Variants in NECAP1 observed in about 807,000 individuals in gnomAD.
The protein encoded by NECAP1 is NECAP endocytosis associated 1.
In NECAP1, 13 loss-of-function variants were observed where a neutral mutation model predicts 33.4. That is an observed-to-expected ratio of 0.39 (90% CI 0.25 to 0.62). The LOEUF is 0.62. Ranked by LOEUF, NECAP1 falls within the 20% of genes least tolerant of loss-of-function variation. The pLI, the probability that NECAP1 is intolerant of heterozygous loss-of-function variation, is 0.52. For synonymous variants in NECAP1, 109 were observed against 125.2 expected (o/e 0.87, Z 0.86); for missense variants, 272 against 347.4 (o/e 0.78, Z 1.73).
chr12:8,092,834 T>C (rs894092894), intron 5 of NECAP1, 38 bp from the exon 6 acceptor site: 2 of 1,587,090 alleles, frequency 1.3e-6, no homozygotes, highest in African/African-American at 1.4e-5. Flanking sequence ...CATAAGCCTA[T>C]GACATCTTTC....
intron 1 of NECAP1, among the ~76,000 whole-genome samples, chr12:8,085,296 G>A (rs769079638): frequency 4.0e-5 from 6 of 151,640 alleles, no homozygotes; most frequent in Non-Finnish European, 5.9e-5. Flanking sequence ...GGGATTACAG[G>A]CGTGAGCCAC....
At chr12:8,084,882 A>G (rs980644074) in intron 1 of NECAP1, among the ~76,000 whole-genome samples, 4 of 152,242 alleles carry the variant, frequency 2.6e-5, no homozygotes, top group African/African-American at 7.2e-5. Flanking sequence ...TCAGTAGATT[A>G]CACAGAGAAA....
chr12:8,091,923 A>G, intron 4 of NECAP1, 73 bp downstream of exon 4: 1 of 1,252,400 alleles, frequency 8.0e-7, no homozygotes, highest in East Asian at 2.4e-5. Context: ...AATGGGCAGT[A>G]TCTCTTTTCC....
At chr12:8,093,975 T>C (rs1390457072) in intron 6 of NECAP1, among the ~76,000 whole-genome samples, 1 of 152,188 alleles carries the variant, frequency 6.6e-6, no homozygotes, top group Non-Finnish European at 1.5e-5. Flanking sequence ...AGAATAAATA[T>C]GGTTATATCT....
chr12:8,090,599 A>C, intron 3 of NECAP1: 1 of 270,656 alleles, frequency 3.7e-6, no homozygotes, highest in Non-Finnish European at 7.3e-6. Flanking sequence ...ACCTGAGGTC[A>C]GGAGTTTGAG....
At chr12:8,087,522 A>ATT (rs34100112) in intron 1 of NECAP1, among the ~76,000 whole-genome samples, 33 of 137,324 alleles carry the variant, frequency 2.4e-4, no homozygotes, top group South Asian at 4.7e-4. Flanking sequence ...CTTGTTCCTA[A>ATT]TTTTTTTTTT....
At chr12:8,093,130 G>T in intron 6 of NECAP1, 75 bp downstream of exon 6, 1 of 1,461,554 alleles carries the variant, frequency 6.8e-7, no homozygotes, top group Non-Finnish European at 9.5e-7. Context: ...GTCAAGGAGA[G>T]TTAATGTTTT....
intron 6 of NECAP1, chr12:8,093,291 T>C: frequency 2.0e-6 from 1 of 505,818 alleles, no homozygotes; most frequent in Non-Finnish European, 3.4e-6. Flanking sequence ...CCTTCATTTT[T>C]TTCTTGGTTA....
chr12:8,082,786 AC>A (rs1786802077), intron 1 of NECAP1: 1 of 89,734 alleles, frequency 1.1e-5, no homozygotes, highest in Non-Finnish European at 2.7e-5. Context: ...ACACACACAC[AC>A]ACACACACAC....
chr12:8,092,771 A>G lies in NECAP1; in HGVS notation c.479A>G (p.Lys160Arg), dbSNP rs1026484267. 1.2e-6 allele frequency: 2 copies of G among 1,613,474 alleles called. No homozygotes were observed. Among genetic ancestry groups the G allele is most frequent in the Non-Finnish European group, 1.7e-6 (2 of 1,179,444 alleles). The change falls in exon 5 of 8, where the codon AAG becomes AGG. Residue 160 changes from lysine to arginine, a missense_variant. Coordinates refer to ENST00000339754, the MANE Select transcript of NECAP1 (RefSeq NM_015509.4). ...GGCTTCAAGGAAGGACAAACCATCAAGTTGTGTATCGGGGTGAGTATGGTT... is the reference window on the plus strand; with the variant it reads ...GGCTTCAAGGAAGGACAAACCATCAGGTTGTGTATCGGGGTGAGTATGGTT... ...DLGFKEGQTI[K>R]LCIGNITNKK...
intron 1 of NECAP1, among the ~76,000 whole-genome samples, chr12:8,087,448 A>T (rs1359765087): frequency 6.6e-6 from 1 of 151,380 alleles, no homozygotes; most frequent in Non-Finnish European, 1.5e-5. Context: ...GAATTTGTTA[A>T]GTATCGGACA....
At chr12:8,095,043 A>C (rs1947582372) in intron 6 of NECAP1, among the ~76,000 whole-genome samples, 1 of 152,204 alleles carries the variant, frequency 6.6e-6, no homozygotes, top group Non-Finnish European at 1.5e-5. Context: ...CTTGAGATTC[A>C]TTCAAGTTGT....
intron 2 of NECAP1, 45 bp downstream of exon 2, chr12:8,090,081 G>T (rs1303104784): frequency 1.3e-6 from 2 of 1,587,356 alleles, no homozygotes; most frequent in African/African-American, 1.3e-5. Flanking sequence ...TATTAATTTG[G>T]TGTGCTTTTA....
In NECAP1 at chr12:8,088,364, C is replaced by T. The variant is rs754759506; in HGVS notation, c.96-1572C>T. Among the ~76,000 whole-genome samples, 29 of 152,284 alleles carry T rather than the reference C, an allele frequency of 1.9e-4. 1 individual carries two copies. Among genetic ancestry groups the T allele is most frequent in the African/African-American group, 7.0e-4 (29 of 41,552 alleles). Reference sequence around the variant, plus strand: ...GCAACTCTTTGCTCAGGCTAAACACCTTGGAGTTGTCCTTGGCTTCTATCC... The same window carrying T: ...GCAACTCTTTGCTCAGGCTAAACACTTTGGAGTTGTCCTTGGCTTCTATCC... On this transcript the variant is annotated intron_variant, in intron 1 of 7. Coordinates refer to ENST00000339754, the MANE Select transcript of NECAP1 (RefSeq NM_015509.4).
intron 3 of NECAP1, chr12:8,091,542 C>G (rs776054016): frequency 1.8e-6 from 1 of 547,850 alleles, no homozygotes; most frequent in Non-Finnish European, 3.3e-6. Flanking sequence ...AGGGTTCACA[C>G]CCCTCTGAGA....
chr12:8,092,628 C>T (rs766453069), intron 4 of NECAP1, 48 bp from the exon 5 acceptor site: 2 of 1,442,426 alleles, frequency 1.4e-6, no homozygotes, highest in East Asian at 4.7e-5. Flanking sequence ...ATGTCAGACT[C>T]TGCTTTCAGG....
At position 8,097,556 on chromosome 12, in the gene NECAP1, T is replaced by C. The variant is rs1947606363; in HGVS notation, c.*1466T>C. On this transcript the variant is annotated 3_prime_UTR_variant, in exon 8 of 8. Coordinates refer to ENST00000339754, the MANE Select transcript of NECAP1 (RefSeq NM_015509.4). ...ATAGCAGGACATGTTAAAATTCCAA[T>C]AGAAAACACTAAAAGGAAAGTCTGT... 6.6e-6 allele frequency: 1 copy of C among 152,626 alleles called. No individual in the cohort carries two copies. The allele number at this position is 152,626 out of a possible 1,614,324, so 9.5% of individuals were successfully genotyped here. A position where few individuals can be genotyped will look rare whatever the true frequency, so the allele number is the denominator to read the frequency against.
Position 8,092,658 on chromosome 12 carries a change from C to T in NECAP1, c.384-18C>T. 3 of 1,580,172 alleles carry T rather than the reference C, an allele frequency of 1.9e-6. No homozygotes were observed. Among genetic ancestry groups the T allele is most frequent in the Non-Finnish European group, 2.6e-6 (3 of 1,153,292 alleles). ...TTCAGGAAATCTCAAACTAAGATAA[C>T]TTGCTGTGTTCCCAAAGGTGGGTAA... On this transcript the variant is annotated intron_variant, in intron 4 of 7. Transcript: ENST00000339754.
At position 8,090,020 on chromosome 12, in the gene NECAP1, C is replaced by T. The variant is rs374460096; in HGVS notation, c.180C>T (p.Leu60=). The stretch of plus-strand genomic sequence containing the variant: ...AAGGGAAGACTGCCTATATCAAACT[C>T]GAGGATAAAGTTTCAGGTAATCTTT... ...TSKGKTAYIK[L]EDKVSGELFA... Residue 60 remains leucine, a synonymous_variant, in exon 2 of 8, where the codon CTC becomes CTT. Coordinates refer to ENST00000339754, the MANE Select transcript of NECAP1 (RefSeq NM_015509.4). 108 of 1,613,722 alleles carry T rather than the reference C, an allele frequency of 6.7e-5. No individual in the cohort carries two copies. The highest frequency in any genetic ancestry group is 8.1e-5 in the Non-Finnish European group (95 of 1,179,802).
Sources: allele counts gnomAD v4.1 joint callset (sites outside exome capture counted in the v4.1 genomes callset), GRCh38; gene constraint gnomAD v4.1.1; transcripts MANE v1.5; gene names NCBI Gene and HGNC (gene_info 2026-07-23, HGNC 2026-07-21).